PPP1R21: variants seen among roughly 807,000 people sequenced by gnomAD.
The protein encoded by PPP1R21 is protein phosphatase 1 regulatory subunit 21, also known as KLRAQ motif containing 1.
PPP1R21 carries 85 observed loss-of-function variants against 112.8 expected under a neutral mutation model. The ratio of observed to expected loss-of-function variants is 0.75; its 90% CI spans 0.63 to 0.90. The LOEUF (loss-of-function observed/expected upper bound fraction) is 0.90, where lower values mean the gene tolerates loss of function less well. Among genes scored for constraint, PPP1R21 ranks in the 40% least tolerant of loss-of-function variants. The probability of loss-of-function intolerance (pLI) is 0.00; values close to 1 mark genes in which losing one functional copy is unlikely to be tolerated. For synonymous variants in PPP1R21, 381 were observed against 322.3 expected, an observed-to-expected ratio of 1.18 and a Z score of -1.95; for missense variants, 1,199 against 901.5, an observed-to-expected ratio of 1.33 and a Z score of -4.23.
At chr2:48,500,392 A>G (rs1670055298) in intron 17 of PPP1R21, among the ~76,000 whole-genome samples, 1 of 152,118 alleles carries the variant, frequency 6.6e-6, no homozygotes, top group African/African-American at 2.4e-5. Flanking sequence ...TGTTTACTAT[A>G]CTTTTTACCG....
At chr2:48,500,212 T>G (rs1450534302) in intron 17 of PPP1R21, among the ~76,000 whole-genome samples, 1 of 152,176 alleles carries the variant, frequency 6.6e-6, no homozygotes, top group African/African-American at 2.4e-5. Flanking sequence ...GATATTATTA[T>G]TTAGGAGAAT....
At chr2:48,486,818 G>C (rs998202161) in intron 14 of PPP1R21, 60 bp downstream of exon 14, 27 of 1,539,082 alleles carry the variant, frequency 1.8e-5, no homozygotes, top group Non-Finnish European at 2.3e-5. Context: ...TTTTTTCTGA[G>C]GGACATAGGA....
At chr2:48,507,429 C>T (rs1670434284) in intron 19 of PPP1R21, 44 bp downstream of exon 19, 2 of 1,583,240 alleles carry the variant, frequency 1.3e-6, no homozygotes, top group Non-Finnish European at 1.7e-6. Context: ...TTCCTAACCC[C>T]TGCAGGAGTT....
chr2:48,510,414 G>C (rs1178313474), intron 20 of PPP1R21, among the ~76,000 whole-genome samples: 2 of 152,170 alleles, frequency 1.3e-5, no homozygotes, highest in Non-Finnish European at 2.9e-5. Flanking sequence ...GTGAGCTGTA[G>C]GCTTGTTCTG....
chr2:48,490,476 A>G (rs1464770296), intron 14 of PPP1R21, among the ~76,000 whole-genome samples: 3 of 152,216 alleles, frequency 2.0e-5, no homozygotes, highest in Non-Finnish European at 4.4e-5. Context: ...GGCTGCTTAC[A>G]TAGAGTTAAC....
intron 13 of PPP1R21, among the ~76,000 whole-genome samples, chr2:48,480,804 A>G (rs1439758573): frequency 6.6e-6 from 1 of 152,132 alleles, no homozygotes. Flanking sequence ...ACCAATTACT[A>G]ATTGCACAGA....
chr2:48,494,578 A>G (rs1023917365), intron 15 of PPP1R21, among the ~76,000 whole-genome samples: 1 of 149,414 alleles, frequency 6.7e-6, no homozygotes, highest in Non-Finnish European at 1.5e-5. Context: ...TCCCCCGGCT[A>G]ATTGTTTTTG....
intron 21 of PPP1R21, among the ~76,000 whole-genome samples, chr2:48,512,914 C>T (rs1029375839): frequency 6.6e-6 from 1 of 152,136 alleles, no homozygotes; most frequent in African/African-American, 2.4e-5. Context: ...ATCTAATTCA[C>T]AAGTTATATT....
At chr2:48,456,764 C>T (rs1667744611) in intron 3 of PPP1R21, among the ~76,000 whole-genome samples, 1 of 152,098 alleles carries the variant, frequency 6.6e-6, no homozygotes, top group South Asian at 2.1e-4. Flanking sequence ...TCAAGATATA[C>T]ATACCAGGCC....
intron 3 of PPP1R21, among the ~76,000 whole-genome samples, chr2:48,455,287 C>T (rs1272775858): frequency 3.3e-5 from 5 of 151,654 alleles, no homozygotes; most frequent in East Asian, 2.0e-4. Flanking sequence ...GCTGTGATTG[C>T]GGGCATGTGG....
In PPP1R21 at chr2:48,495,674, C is replaced by G. The variant is rs1292207309; in HGVS notation, c.1600-5C>G. On this transcript the variant is annotated splice_polypyrimidine_tract_variant and splice_region_variant and intron_variant, in intron 15 of 21. Transcript: ENST00000294952. Reference sequence around the variant, plus strand: ...TCTTTAATTCTTATGATGCTTTTATCATAGCCCCTCTTGGAGTCTGTGCCT... The same window carrying G: ...TCTTTAATTCTTATGATGCTTTTATGATAGCCCCTCTTGGAGTCTGTGCCT... The G allele has an allele frequency of 6.4e-7, 1 of 1,560,576 alleles. No homozygotes were observed. Among genetic ancestry groups the G allele is most frequent in the Non-Finnish European group, 8.8e-7 (1 of 1,131,842 alleles).
chr2:48,510,224 G>T, intron 20 of PPP1R21, 111 bp downstream of exon 20: 1 of 644,912 alleles, frequency 1.6e-6, no homozygotes, highest in Non-Finnish European at 2.6e-6. Flanking sequence ...TGCTTTTTAA[G>T]ATAACCACTG....
At chr2:48,442,442 A>G (rs1323927776) in intron 1 of PPP1R21, among the ~76,000 whole-genome samples, 2 of 152,208 alleles carry the variant, frequency 1.3e-5, no homozygotes, top group Non-Finnish European at 2.9e-5. Flanking sequence ...TGCTGAAATA[A>G]CTGTATAGCC....
chr2:48,501,516 C>T (rs1670111881), intron 17 of PPP1R21, among the ~76,000 whole-genome samples: 1 of 152,154 alleles, frequency 6.6e-6, no homozygotes, highest in Non-Finnish European at 1.5e-5. Flanking sequence ...GTTGAGGAAA[C>T]CAAGGACCAA....
In PPP1R21 at chr2:48,512,914, C is replaced by G. The variant is rs1029375839; in HGVS notation, c.2313+1446C>G. Among the ~76,000 whole-genome samples, 3 of 152,136 alleles carry G rather than the reference C, an allele frequency of 2.0e-5. No homozygotes were observed. The South Asian group carries it at 6.2e-4, about 31-fold the overall frequency. On this transcript the variant is annotated intron_variant, in intron 21 of 21. Coordinates refer to ENST00000294952, the MANE Select transcript of PPP1R21 (RefSeq NM_001135629.3). ...TTCCAGCAGAGCAATATCTAATTCA[C>G]AAGTTATATTCTTAGTAGTGGTAGA...
intron 1 of PPP1R21, among the ~76,000 whole-genome samples, chr2:48,446,396 G>C (rs2103737118): frequency 6.6e-6 from 1 of 152,300 alleles, no homozygotes; most frequent in Non-Finnish European, 1.5e-5. Flanking sequence ...CAGAGTTGTA[G>C]AGAGCAGGTC....
At chr2:48,487,482 G>A (rs564228167) in intron 14 of PPP1R21, among the ~76,000 whole-genome samples, 1 of 152,194 alleles carries the variant, frequency 6.6e-6, no homozygotes, top group South Asian at 2.1e-4. Context: ...CCTTTGATAA[G>A]CCAGGTGCTG....
intron 12 of PPP1R21, among the ~76,000 whole-genome samples, chr2:48,475,845 C>CA (rs1051749703): frequency 1.0e-3 from 145 of 138,506 alleles, no homozygotes; most frequent in East Asian, 2.7e-3. Context: ...GAAACTGTCT[C>CA]AAAAAAAAAA....
chr2:48,458,042 C>A (rs57551326), intron 3 of PPP1R21, 84 bp from the exon 4 acceptor site: 1 of 888,156 alleles, frequency 1.1e-6, no homozygotes, highest in Non-Finnish European at 1.9e-6. Flanking sequence ...AGACAAGCTT[C>A]TAAGATGATA....
Sources: gnomAD v4.1 joint callset for allele counts (sites outside exome capture counted in the v4.1 genomes callset) on GRCh38, gnomAD v4.1.1 for gene constraint, MANE v1.5 for transcripts, NCBI Gene and HGNC (gene_info 2026-07-23, HGNC 2026-07-21) for gene names.